OPRM1: variants seen among roughly 807,000 people sequenced by gnomAD.
The protein encoded by OPRM1 is mu-type opioid receptor.
In OPRM1, 27 loss-of-function variants were observed where a neutral mutation model predicts 31.8. That is an observed-to-expected ratio of 0.85 (90% CI 0.63 to 1.17). The LOEUF (loss-of-function observed/expected upper bound fraction) is 1.17. Ranked by LOEUF, OPRM1 falls within the 50% of genes most tolerant of loss-of-function variation. OPRM1 has a pLI of 0.00. For missense variants in OPRM1, 536 were observed against 511.1 expected, an observed-to-expected ratio of 1.05 and a Z score of -0.47; for synonymous variants, 196 against 189.9, an observed-to-expected ratio of 1.03 and a Z score of -0.26.
rs1037373122 is a variant in OPRM1 at position 154,124,005 on chromosome 6, T to C, written c.*5284T>C. On this transcript the variant is annotated 3_prime_UTR_variant, in exon 4 of 4. Transcript: ENST00000330432. The stretch of plus-strand genomic sequence containing the variant: ...CAGCCCAGTAGGTCTCAGCCTTATT[T>C]TACCCAGCCTCTATTCAAGATGGAG... 6.6e-6 allele frequency among the ~76,000 whole-genome samples: 1 copy of C among 152,140 alleles called. No individual in the cohort carries two copies. Among genetic ancestry groups the C allele is most frequent in the Non-Finnish European group, 1.5e-5 (1 of 68,020 alleles).
At position 154,126,056 on chromosome 6, in the gene OPRM1, C is replaced by G. The variant is rs1407287771; in HGVS notation, c.*7335C>G. Among the ~76,000 whole-genome samples, 5 of 136,414 alleles carry G rather than the reference C, an allele frequency of 3.7e-5. 2 individuals carry two copies. Among genetic ancestry groups the G allele is most frequent in the Middle Eastern group, 7.6e-3 (2 of 264 alleles). 89.5% of individuals were successfully genotyped at this position (136,414 alleles called of 152,430 possible). On this transcript the variant is annotated 3_prime_UTR_variant, in exon 4 of 4. Coordinates refer to ENST00000330432, the MANE Select transcript of OPRM1 (RefSeq NM_000914.5). Reference sequence around the variant, plus strand: ...TGACCTCGTGATCCGCCCGCCTCGGCCTCCCAAAGTGCTGGGATTACAGGC... The same window carrying G: ...TGACCTCGTGATCCGCCCGCCTCGGGCTCCCAAAGTGCTGGGATTACAGGC...
intron 3 of OPRM1, chr6:154,109,089 T>C: frequency 1.0e-6 from 1 of 955,498 alleles, no homozygotes; most frequent in Non-Finnish European, 1.2e-6. Flanking sequence ...CTCACTCTAA[T>C]AGACAATACA....
intron 1 of OPRM1, among the ~76,000 whole-genome samples, chr6:154,076,890 G>A (rs535224464): frequency 1.3e-5 from 2 of 151,562 alleles, no homozygotes; most frequent in Admixed American, 6.6e-5. Context: ...TATTTATTTT[G>A]TTCCTTTCCA....
chr6:154,039,883 G>A (rs1779693119), intron 1 of OPRM1, 49 bp downstream of exon 1: 2 of 1,491,014 alleles, frequency 1.3e-6, no homozygotes, highest in East Asian at 4.6e-5. Flanking sequence ...GGCTTAAGGG[G>A]GTACAAAGAG....
At chr6:154,198,663 C>CACACACA (rs1491491022) in intron 3 of OPRM1, among the ~76,000 whole-genome samples, 1 of 150,236 alleles carries the variant, frequency 6.7e-6, no homozygotes, top group East Asian at 1.9e-4. Context: ...CACACACACA[C>CACACACA]AACTTGTTCT....
At chr6:154,233,678 G>C (rs1035785543) in intron 3 of OPRM1, among the ~76,000 whole-genome samples, 1 of 152,194 alleles carries the variant, frequency 6.6e-6, no homozygotes, top group African/African-American at 2.4e-5. Context: ...CCAACAGGGG[G>C]AAGAGGGGAG....
intron 1 of OPRM1, among the ~76,000 whole-genome samples, chr6:154,058,386 G>T (rs938016457): frequency 4.6e-5 from 7 of 152,120 alleles, no homozygotes; most frequent in Admixed American, 1.3e-4. Flanking sequence ...AATAGATGAA[G>T]TTATAAAATT....
In OPRM1 at chr6:154,120,696, G is replaced by C. The variant is rs1797252745; in HGVS notation, c.*1975G>C. ...GAAAATCCATGCTTTTCATGGGCTAGGATGGTTTCTCCCAAGAGATGACAT... is the reference window on the plus strand; with the variant it reads ...GAAAATCCATGCTTTTCATGGGCTACGATGGTTTCTCCCAAGAGATGACAT... On this transcript the variant is annotated 3_prime_UTR_variant, in exon 4 of 4. Coordinates refer to ENST00000330432, the MANE Select transcript of OPRM1 (RefSeq NM_000914.5). Among the ~76,000 whole-genome samples the C allele has an allele frequency of 6.6e-6, 1 of 152,176 alleles. No homozygotes were observed. The highest frequency in any genetic ancestry group is 2.4e-5 in the African/African-American group (1 of 41,454).
At chr6:154,154,355 T>C (rs1244493598) in intron 3 of OPRM1, 5 of 152,344 alleles carry the variant, frequency 3.3e-5, no homozygotes, top group Non-Finnish European at 5.9e-5. Flanking sequence ...TGTGGGTGCC[T>C]AGAAATAATA....
Position 154,039,320 on chromosome 6 carries a change from T to C in OPRM1, c.-225T>C, listed in dbSNP as rs1421882124. The C allele has an allele frequency of 1.3e-6, 2 of 1,550,470 alleles. No homozygotes were observed. The highest frequency in any genetic ancestry group is 1.7e-6 in the Non-Finnish European group (2 of 1,146,454). On this transcript the variant is annotated 5_prime_UTR_variant, in exon 1 of 4. The change abolishes the stop of an existing upstream ORF in the 5' untranslated region. Coordinates refer to ENST00000330432, the MANE Select transcript of OPRM1 (RefSeq NM_000914.5). Reference sequence around the variant, plus strand: ...GTGCGGGGCAGGTGATGAGCCTCTGTGAACTACTAAGGTGGGAGGGGGCTA... The same window carrying C: ...GTGCGGGGCAGGTGATGAGCCTCTGCGAACTACTAAGGTGGGAGGGGGCTA...
intron 1 of OPRM1, chr6:154,074,007 A>G (rs1787330328): frequency 6.6e-6 from 1 of 152,178 alleles, no homozygotes; most frequent in African/African-American, 2.4e-5. Context: ...AACGAATGAT[A>G]ATAAGTCATA....
intron 3 of OPRM1, among the ~76,000 whole-genome samples, chr6:154,197,857 T>A (rs996862869): frequency 6.6e-6 from 1 of 152,200 alleles, no homozygotes; most frequent in Non-Finnish European, 1.5e-5. Flanking sequence ...TTTTTTTAGT[T>A]CTACTTACGA....
intron 3 of OPRM1, among the ~76,000 whole-genome samples, chr6:154,204,456 C>CA (rs1214117315): frequency 6.6e-6 from 1 of 152,058 alleles, no homozygotes; most frequent in East Asian, 1.9e-4. Flanking sequence ...TTAGCAAAAA[C>CA]AAAAAATAAA....
At chr6:154,035,841 G>A (rs1779270904), upstream of OPRM1, among the ~76,000 whole-genome samples, 1 of 152,092 alleles carries the variant, frequency 6.6e-6, no homozygotes, top group Admixed American at 6.5e-5. Flanking sequence ...TAAATGTATA[G>A]ATAATAAATT....
At chr6:154,205,132 C>T (rs922440988) in intron 3 of OPRM1, among the ~76,000 whole-genome samples, 4 of 152,194 alleles carry the variant, frequency 2.6e-5, no homozygotes, top group African/African-American at 4.8e-5. Flanking sequence ...CACTCCCTAG[C>T]CCATTGCCCT....
chr6:154,032,410 T>G (rs79825329), intron 1 of OPRM1, among the ~76,000 whole-genome samples: 4,390 of 152,228 alleles, frequency 0.029, 202 homozygotes, highest in African/African-American at 0.1. Context: ...ATTTTAGCAA[T>G]AAATGGGGCA....
chr6:154,115,399 G>A (rs1796756678), intron 3 of OPRM1, among the ~76,000 whole-genome samples: 1 of 152,156 alleles, frequency 6.6e-6, no homozygotes, highest in Admixed American at 6.5e-5. Context: ...AATTAGCCAG[G>A]TGTGGTGGTG....
chr6:154,094,467 A>G (rs191971654), intron 3 of OPRM1: 893 of 358,530 alleles, frequency 2.5e-3, no homozygotes, highest in Non-Finnish European at 4.3e-3. Context: ...TTAGTTTACA[A>G]TTCTGTAGAA....
Position 154,100,040 on chromosome 6 carries a change from A to AT in OPRM1, c.1164+8569dup, listed in dbSNP as rs1554275325. On this transcript the variant is annotated intron_variant, in intron 3 of 3. Coordinates refer to ENST00000330432, the MANE Select transcript of OPRM1 (RefSeq NM_000914.5). ...ATCATAACATATTATATATTATCAT[A>AT]TGATATATATCATATGATATATATC... Among the ~76,000 whole-genome samples, 13 of 106,888 alleles carry AT rather than the reference A, an allele frequency of 1.2e-4. No individual in the cohort carries two copies. In the Admixed American group the frequency reaches 1.4e-3, roughly 12 times the overall value. 70.1% of individuals were successfully genotyped at this position (106,888 alleles called of 152,430 possible). A position where few individuals can be genotyped will look rare whatever the true frequency, so the allele number is the denominator to read the frequency against.
Sources: allele counts gnomAD v4.1 joint callset (sites outside exome capture counted in the v4.1 genomes callset), GRCh38; gene constraint gnomAD v4.1.1; transcripts MANE v1.5; gene names NCBI Gene and HGNC (gene_info 2026-07-23, HGNC 2026-07-21).